ARHGDIB: variants seen among roughly 807,000 people sequenced by gnomAD.
ARHGDIB encodes the protein rho GDP-dissociation inhibitor 2.
ARHGDIB carries 20 observed loss-of-function variants against 22.6 expected under a neutral mutation model. That is an observed-to-expected ratio of 0.88 (90% CI 0.62 to 1.28). ARHGDIB has a LOEUF of 1.28. Ranked by LOEUF, ARHGDIB falls within the 50% of genes most tolerant of loss-of-function variation. The probability of loss-of-function intolerance (pLI) is 0.00; values close to 1 mark genes in which losing one functional copy is unlikely to be tolerated. For missense variants in ARHGDIB, 254 were observed against 245.4 expected (o/e 1.04, Z -0.23); for synonymous variants, 114 against 96.1 (o/e 1.19, Z -1.09).
intron 3 of ARHGDIB, among the ~76,000 whole-genome samples, 193 bp downstream of exon 3, chr12:14,949,609 T>C (rs752216048): frequency 6.6e-6 from 1 of 152,168 alleles, no homozygotes; most frequent in Non-Finnish European, 1.5e-5. Context: ...TTCAATTAAA[T>C]AGAGATAAAG....
At chr12:14,957,403 T>C (rs534802633) in intron 1 of ARHGDIB, among the ~76,000 whole-genome samples, 57 of 152,328 alleles carry the variant, frequency 3.7e-4, no homozygotes, top group African/African-American at 1.3e-3. Flanking sequence ...CCACACCAAA[T>C]ACTTTCCCCT....
At chr12:14,946,552 A>G (rs1349825438) in intron 4 of ARHGDIB, among the ~76,000 whole-genome samples, 3 of 152,144 alleles carry the variant, frequency 2.0e-5, no homozygotes, top group African/African-American at 7.2e-5. Context: ...TACGTAGGTT[A>G]CCCAGAGAGC....
Position 14,942,358 on chromosome 12 carries a change from T to G in ARHGDIB, c.*164A>C. On this transcript the variant is annotated 3_prime_UTR_variant, in exon 6 of 6. Transcript: ENST00000228945. ...GAAAGCCCGGTTTTAAGCCTCTTGT[T>G]CTAGGGACCACGTTGAGTGACAGGG... 1 of 772,074 alleles carries G rather than the reference T, an allele frequency of 1.3e-6. No homozygotes were observed. The highest frequency in any genetic ancestry group is 2.1e-6 in the Non-Finnish European group (1 of 477,914). 47.8% of individuals were successfully genotyped at this position (772,074 alleles called of 1,614,324 possible).
At chr12:14,953,025 C>T (rs888359386) in intron 1 of ARHGDIB, among the ~76,000 whole-genome samples, 1 of 152,198 alleles carries the variant, frequency 6.6e-6, no homozygotes, top group African/African-American at 2.4e-5. Flanking sequence ...AGATTTGCCA[C>T]CTTCTAACAG....
At chr12:14,954,430 C>T (rs1190242436) in intron 1 of ARHGDIB, among the ~76,000 whole-genome samples, 1 of 152,224 alleles carries the variant, frequency 6.6e-6, no homozygotes, top group Admixed American at 6.5e-5. Context: ...CAGAGAAGCC[C>T]AGGTGCACAT....
At position 14,942,516 on chromosome 12, in the gene ARHGDIB, A is replaced by G. The variant is rs1489894101; in HGVS notation, c.*6T>C. ...GTGGCAAGGGTGGGGAAAGGGGTGG[A>G]TGCATTCATTCTGTCCACTCCTTCT... On this transcript the variant is annotated 3_prime_UTR_variant, in exon 6 of 6. Coordinates refer to ENST00000228945, the MANE Select transcript of ARHGDIB (RefSeq NM_001175.7). The G allele has an allele frequency of 6.2e-7, 1 of 1,613,952 alleles. No individual in the cohort carries two copies. The highest frequency in any genetic ancestry group is 1.1e-5 in the South Asian group (1 of 91,076).
chr12:14,955,497 G>A (rs576162588), intron 1 of ARHGDIB, among the ~76,000 whole-genome samples: 2 of 151,452 alleles, frequency 1.3e-5, no homozygotes, highest in Non-Finnish European at 3.0e-5. Context: ...GGGATACATA[G>A]ATAGTGAAAA....
chr12:14,959,977 C>T (rs927657813), intron 1 of ARHGDIB, among the ~76,000 whole-genome samples: 1 of 152,198 alleles, frequency 6.6e-6, no homozygotes, highest in African/African-American at 2.4e-5. Context: ...AAACACAAAG[C>T]CAATGGCAAG....
intron 1 of ARHGDIB, 35 bp from the exon 2 acceptor site, chr12:14,950,759 G>A (rs200943283): frequency 1.3e-6 from 2 of 1,535,620 alleles, no homozygotes; most frequent in Admixed American, 2.1e-5. Flanking sequence ...TAGTCAACAA[G>A]TCATGAATAT....
At chr12:14,945,398 G>A (rs1022253441) in intron 4 of ARHGDIB, among the ~76,000 whole-genome samples, 1 of 152,246 alleles carries the variant, frequency 6.6e-6, no homozygotes, top group African/African-American at 2.4e-5. Context: ...TATCTGGCAA[G>A]TATGTTGGAT....
chr12:14,952,076 G>T (rs16910402), intron 1 of ARHGDIB, among the ~76,000 whole-genome samples: 2,355 of 152,132 alleles, frequency 0.015, 51 homozygotes, highest in African/African-American at 0.052. Flanking sequence ...AGCCTTCATT[G>T]CTCCTAAGTG....
At chr12:14,948,130 A>ACG (rs1256962603) in intron 3 of ARHGDIB, among the ~76,000 whole-genome samples, 181 bp from the exon 4 acceptor site, 2 of 151,334 alleles carry the variant, frequency 1.3e-5, no homozygotes, top group African/African-American at 4.9e-5. Context: ...ACACACACAC[A>ACG]CACACACTTA....
intron 1 of ARHGDIB, chr12:14,961,118 C>G (rs1053473841): frequency 6.6e-6 from 1 of 152,350 alleles, no homozygotes; most frequent in African/African-American, 2.4e-5. Context: ...CCACATATCT[C>G]CACCCCAGCA....
chr12:14,947,671 T>C (rs1864050573), intron 4 of ARHGDIB: 2 of 556,468 alleles, frequency 3.6e-6, no homozygotes, highest in African/African-American at 1.9e-5. Context: ...GTTTAAGAAG[T>C]CCTGGCTAGG....
rs754793170 is a variant in ARHGDIB, at chr12:14,949,838, C to T, written c.229G>A (p.Glu77Lys). ...ATGGTGATTGGTCCCGGGGCACTCT[C>T]ACAAACCAGGGTGAGCCGGGTGACA... ...VVVTRLTLVC[E>K]SAPGPITMDL... Residue 77 changes from glutamate to lysine, a missense_variant, in exon 3 of 6, where the codon GAG becomes AAG. Glu to Lys is a moderately conservative substitution (Grantham distance 56). Coordinates refer to ENST00000228945, the MANE Select transcript of ARHGDIB (RefSeq NM_001175.7). 1.2e-6 allele frequency: 2 copies of T among 1,613,630 alleles called. No homozygotes were observed. The highest frequency in any genetic ancestry group is 1.1e-5 in the South Asian group (1 of 91,060).
intron 4 of ARHGDIB, among the ~76,000 whole-genome samples, chr12:14,946,293 A>G (rs983469434): frequency 6.6e-6 from 1 of 152,174 alleles, no homozygotes; most frequent in Non-Finnish European, 1.5e-5. Context: ...TAAAATAACA[A>G]TCGTAGGTCA....
chr12:14,943,711 C>T (rs1427609504), intron 5 of ARHGDIB, among the ~76,000 whole-genome samples: 1 of 151,800 alleles, frequency 6.6e-6, no homozygotes, highest in East Asian at 1.9e-4. Flanking sequence ...GTGAAAATAG[C>T]CAATCAAGTT....
intron 1 of ARHGDIB, among the ~76,000 whole-genome samples, chr12:14,951,822 C>A (rs1864182816): frequency 6.6e-6 from 1 of 151,570 alleles, no homozygotes; most frequent in African/African-American, 2.4e-5. Flanking sequence ...TGAAATGAAC[C>A]ACTGGGGTTC....
chr12:14,944,829 T>C lies in ARHGDIB; in HGVS notation c.353A>G (p.Asp118Gly), dbSNP rs764957329. 60 of 1,613,254 alleles carry C rather than the reference T, an allele frequency of 3.7e-5. No individual in the cohort carries two copies. Among genetic ancestry groups the C allele is most frequent in the Non-Finnish European group, 4.6e-5 (54 of 1,179,642 alleles). The change falls in exon 5 of 6, where the codon GAT becomes GGT. Residue 118 changes from aspartate to glycine, a missense_variant. Coordinates refer to ENST00000228945, the MANE Select transcript of ARHGDIB (RefSeq NM_001175.7). ...AACGTATTTCAGGCCTGACACAATA[T>C]CCCTGTTCACCTGCAGGTGGGAAGG... ...RVKIHFKVNR[D>G]IVSGLKYVQH...
Sources: allele counts gnomAD v4.1 joint callset (sites outside exome capture counted in the v4.1 genomes callset), GRCh38; gene constraint gnomAD v4.1.1; transcripts MANE v1.5; gene names NCBI Gene and HGNC (gene_info 2026-07-23, HGNC 2026-07-21).